Variants in PWWP3A observed in about 807,000 individuals in gnomAD.
The protein encoded by PWWP3A is PWWP domain-containing DNA repair factor 3A.
PWWP3A carries 53 observed loss-of-function variants against 79.0 expected under a neutral mutation model. The observed-to-expected ratio is 0.67, with a 90% confidence interval of 0.54 to 0.84. The LOEUF is 0.84. Ranked by LOEUF, PWWP3A falls within the 40% of genes least tolerant of loss-of-function variation. PWWP3A has a pLI of 0.00. For synonymous variants in PWWP3A, 443 were observed against 394.4 expected, an observed-to-expected ratio of 1.12 and a Z score of -1.46; for missense variants, 973 against 948.0, an observed-to-expected ratio of 1.03 and a Z score of -0.35.
At chr19:1,364,865 T>C (rs2082095351) in intron 7 of PWWP3A, among the ~76,000 whole-genome samples, 2 of 152,198 alleles carry the variant, frequency 1.3e-5, no homozygotes, top group African/African-American at 4.8e-5. Flanking sequence ...ATGCCTGTAA[T>C]CCCAGCACTT....
chr19:1,356,563 A>G, intron 2 of PWWP3A, 114 bp downstream of exon 2: 1 of 971,526 alleles, frequency 1.0e-6, no homozygotes, highest in Non-Finnish European at 1.6e-6. Context: ...GAGCCAGAAC[A>G]CGGTTGGCAC....
chr19:1,361,922 G>A, intron 5 of PWWP3A: 1 of 252,366 alleles, frequency 4.0e-6, no homozygotes, highest in South Asian at 4.8e-5. Flanking sequence ...CAGATGTGAA[G>A]GGACAGCCAG....
chr19:1,361,094 A>G lies in PWWP3A; in HGVS notation c.1111+62A>G, dbSNP rs2082005357. 3.0e-6 allele frequency: 4 copies of G among 1,350,028 alleles called. No individual in the cohort carries two copies. In the South Asian group the frequency reaches 8.2e-5, roughly 28 times the overall value. The allele number at this position is 1,350,028 out of a possible 1,614,324, so 83.6% of individuals were successfully genotyped here. A position where few individuals can be genotyped will look rare whatever the true frequency, so the allele number is the denominator to read the frequency against. ...TGGAGTCCTGCTCCTCCGCAGCCAG[A>G]CTGGGAGCCAGGCACGTGGGTGTTT... On this transcript the variant is annotated intron_variant, in intron 5 of 13. Transcript: ENST00000591337.
Position 1,360,774 on chromosome 19 carries a change from G to T in PWWP3A, c.853G>T (p.Ala285Ser). 1 of 1,609,808 alleles carries T rather than the reference G, an allele frequency of 6.2e-7. No homozygotes were observed. Among genetic ancestry groups the T allele is most frequent in the South Asian group, 1.1e-5 (1 of 90,780 alleles). ...LPLGSLTAPP[A>S]PEPSACSEPG... is the part of the protein sequence containing the mutation. The stretch of plus-strand genomic sequence containing the variant: ...GTTGGGCAGCCTCACTGCGCCCCCA[G>T]CCCCTGAGCCCTCGGCCTGCTCAGA... The change falls in exon 5 of 14, where the codon GCC becomes TCC. Residue 285 changes from alanine (A) to serine (S), a missense_variant. Ala to Ser is a moderately conservative substitution (Grantham distance 99). Coordinates refer to ENST00000591337, the MANE Select transcript of PWWP3A (RefSeq NM_001369789.1). The surrounding 1 kb of genome is among the most constrained non-coding windows in gnomAD (Gnocchi z 4.4).
At position 1,356,372 on chromosome 19, in the gene PWWP3A, C is replaced by G. The variant is rs2081866314; in HGVS notation, c.-21C>G. The G allele has an allele frequency of 6.2e-7, 1 of 1,613,724 alleles. No homozygotes were observed. Among genetic ancestry groups the G allele is most frequent in the Non-Finnish European group, 8.5e-7 (1 of 1,179,676 alleles). Reference sequence around the variant, plus strand: ...AGTACGTTGTGCCAAATCATTGCCACTTGCCACATGAGTGTAAATGATGGC... The same window carrying G: ...AGTACGTTGTGCCAAATCATTGCCAGTTGCCACATGAGTGTAAATGATGGC... On this transcript the variant is annotated 5_prime_UTR_variant, in exon 2 of 14. Transcript: ENST00000591337.
intron 13 of PWWP3A, among the ~76,000 whole-genome samples, chr19:1,374,875 C>T (rs2082332210): frequency 6.6e-6 from 1 of 152,016 alleles, no homozygotes; most frequent in African/African-American, 2.4e-5. Flanking sequence ...CCACTGCACC[C>T]TAGTCTGGGT....
chr19:1,365,922 G>T (rs971539286), intron 7 of PWWP3A, among the ~76,000 whole-genome samples: 4 of 152,208 alleles, frequency 2.6e-5, no homozygotes. Context: ...GCCCCTCCCC[G>T]TGTGGCCTGG....
Position 1,366,424 on chromosome 19 carries a change from C to A in PWWP3A, c.1361+43C>A, listed in dbSNP as rs2082130098. On this transcript the variant is annotated intron_variant, in intron 8 of 13. Coordinates refer to ENST00000591337, the MANE Select transcript of PWWP3A (RefSeq NM_001369789.1). ...GTTTCTGTGAATGGGCCTGAGGGGC[C>A]AGGCCGGCCGCTCTCAGAGTCAGAG... The A allele has an allele frequency of 1.9e-6, 3 of 1,559,862 alleles. No homozygotes were observed. In the African/African-American group the frequency reaches 4.1e-5, roughly 21 times the overall value.
intron 3 of PWWP3A, chr19:1,357,758 C>G (rs970995283): frequency 6.6e-6 from 1 of 150,950 alleles, no homozygotes; most frequent in East Asian, 1.9e-4. Context: ...TTCCGACGCC[C>G]CGGTCAGTCC....
At chr19:1,364,200 A>G (rs749410220) in intron 6 of PWWP3A, 18 of 568,036 alleles carry the variant, frequency 3.2e-5, no homozygotes, top group Non-Finnish European at 5.5e-5. Flanking sequence ...CACACATAGG[A>G]CAGAGCCCCA....
At chr19:1,367,024 G>A (rs950035579) in intron 8 of PWWP3A, 136 bp from the exon 9 acceptor site, 7 of 660,258 alleles carry the variant, frequency 1.1e-5, no homozygotes, top group South Asian at 3.9e-5. Flanking sequence ...CTGGGGAAAC[G>A]GTCACCTTCC....
intron 3 of PWWP3A, chr19:1,358,120 G>C (rs1390121061): frequency 9.1e-6 from 4 of 441,870 alleles, no homozygotes; most frequent in Non-Finnish European, 1.2e-5. Context: ...AGTAGGATTT[G>C]CTTCATAAAA....
In PWWP3A at chr19:1,376,697, C is replaced by A; in HGVS notation, c.*121C>A. 1.2e-6 allele frequency: 1 copy of A among 824,534 alleles called. No homozygotes were observed. Among genetic ancestry groups the A allele is most frequent in the Non-Finnish European group, 2.0e-6 (1 of 509,934 alleles). The allele number at this position is 824,534 out of a possible 1,614,324, so 51.1% of individuals were successfully genotyped here. A position where few individuals can be genotyped will look rare whatever the true frequency, so the allele number is the denominator to read the frequency against. On this transcript the variant is annotated 3_prime_UTR_variant, in exon 14 of 14. Transcript: ENST00000591337. ...TTGCGTTTGGACCTGTCTGTGCGTT[C>A]TCCTGCGTGGCAGTCCTGATTTCCA...
chr19:1,356,954 G>A (rs1001895704), intron 2 of PWWP3A, 55 bp from the exon 3 acceptor site: 37 of 1,459,656 alleles, frequency 2.5e-5, no homozygotes, highest in Admixed American at 5.4e-5. Context: ...GTTTGCCACT[G>A]TTTCTCACTG....
chr19:1,359,924 T>A (rs1568929552), intron 4 of PWWP3A: 1 of 476,416 alleles, frequency 2.1e-6, no homozygotes, highest in Non-Finnish European at 3.5e-6. Flanking sequence ...TTTAAAAAAA[T>A]GAAGCCTCGA....
chr19:1,369,156 G>A lies in PWWP3A; in HGVS notation c.1423-109G>A, dbSNP rs904235716. ...GGGAGGGTCAGAGGTGCGGGCTGGA[G>A]CGTGAGCAGCCTGGACACCTGGCTG... On this transcript the variant is annotated intron_variant, in intron 9 of 13. Transcript: ENST00000591337. This position sits in a 1 kb window ranked among gnomAD's most constrained non-coding sequence, Gnocchi z 4.0. The A allele has an allele frequency of 3.6e-5, 34 of 955,490 alleles. 2 individuals carry two copies. In the South Asian group the frequency reaches 4.8e-4, roughly 14 times the overall value. 59.2% of individuals were successfully genotyped at this position (955,490 alleles called of 1,614,324 possible). A position where few individuals can be genotyped will look rare whatever the true frequency, so the allele number is the denominator to read the frequency against.
intron 6 of PWWP3A, among the ~76,000 whole-genome samples, chr19:1,363,730 C>T (rs2144722855): frequency 6.6e-6 from 1 of 152,336 alleles, no homozygotes; most frequent in South Asian, 2.1e-4. Flanking sequence ...CTCTTAAAGA[C>T]TAAATGCCCC....
intron 9 of PWWP3A, 126 bp downstream of exon 9, chr19:1,367,346 C>T: frequency 1.3e-6 from 1 of 783,200 alleles, no homozygotes; most frequent in South Asian, 1.7e-5. Context: ...TGGGAAGTAG[C>T]AGAGCCAGGC....
chr19:1,364,366 T>C, intron 6 of PWWP3A, 143 bp from the exon 7 acceptor site: 1 of 685,132 alleles, frequency 1.5e-6, no homozygotes, highest in Non-Finnish European at 2.6e-6. Context: ...CAGATTCTCC[T>C]GATCTTTTAA....
Sources: allele counts gnomAD v4.1 joint callset (sites outside exome capture counted in the v4.1 genomes callset), GRCh38; gene constraint gnomAD v4.1.1; non-coding constraint Gnocchi (gnomAD v3.1); transcripts MANE v1.5; gene names NCBI Gene and HGNC (gene_info 2026-07-23, HGNC 2026-07-21).